Variants in DDHD2 observed in about 807,000 individuals in gnomAD.
The protein encoded by DDHD2 is DDHD domain containing 2.
Under a neutral mutation model 91.2 loss-of-function variants are expected in DDHD2, and 62 were observed. The ratio of observed to expected loss-of-function variants is 0.68; its 90% CI spans 0.55 to 0.84. DDHD2 has a LOEUF of 0.84. DDHD2 is among the 40% of genes least tolerant of loss of function. The pLI is 0.00. For synonymous variants in DDHD2, 271 were observed against 293.9 expected, an observed-to-expected ratio of 0.92 and a Z score of 0.80; for missense variants, 740 against 846.9, an observed-to-expected ratio of 0.87 and a Z score of 1.57.
chr8:38,232,965 G>A, intron 1 of DDHD2, 22 bp from the exon 2 acceptor site: 1 of 1,596,304 alleles, frequency 6.3e-7, no homozygotes, highest in Non-Finnish European at 8.6e-7. Flanking sequence ...TCGTTTTCCT[G>A]ATAGTTTTCT....
At chr8:38,241,607 T>C (rs970310963) in intron 6 of DDHD2, among the ~76,000 whole-genome samples, 1 of 151,296 alleles carries the variant, frequency 6.6e-6, no homozygotes, top group African/African-American at 2.4e-5. Context: ...TTTTAGTAGA[T>C]GGGGTTTCGC....
At position 38,231,688 on chromosome 8, in the gene DDHD2, C is replaced by G. The variant is rs1804260634; in HGVS notation, c.-180C>G. ...TTTCGCCTGGCATCCGGGCCCGCTA[C>G]TCGCCCACTGGGAGCGCCGTGGCGC... is the stretch of plus-strand genomic sequence containing the variant. On this transcript the variant is annotated 5_prime_UTR_variant, in exon 1 of 18. Transcript: ENST00000397166. The G allele has an allele frequency of 6.6e-6, 1 of 152,272 alleles. No homozygotes were observed. Among genetic ancestry groups the G allele is most frequent in the South Asian group, 2.1e-4 (1 of 4,838 alleles). 9.4% of individuals were successfully genotyped at this position (152,272 alleles called of 1,614,324 possible).
chr8:38,263,629 A>G, downstream of DDHD2: 1 of 985,440 alleles, frequency 1.0e-6, no homozygotes, highest in Non-Finnish European at 1.2e-6. Context: ...AAAGTGATAA[A>G]TTACCCTAGA....
chr8:38,270,423 A>C (rs1000366334), intron 1 of DDHD2: 1 of 152,248 alleles, frequency 6.6e-6, no homozygotes, highest in Non-Finnish European at 1.5e-5. Context: ...AATTCCAAAT[A>C]TACACATACC....
downstream of DDHD2, chr8:38,267,339 C>T (rs1472921771): frequency 6.2e-7 from 1 of 1,613,924 alleles, no homozygotes; most frequent in African/African-American, 1.3e-5. Context: ...CACATCAAGT[C>T]AGAATGGGCT....
Position 38,256,895 on chromosome 8 carries a change from T to G in DDHD2, c.2055-3145T>G, listed in dbSNP as rs147935087. On this transcript the variant is annotated intron_variant, in intron 16 of 17. Coordinates refer to ENST00000397166, the MANE Select transcript of DDHD2 (RefSeq NM_015214.3). ...ATCTCCATCAGCAGTGTTTGAGAGT[T>G]TCAGTTGCTCCACATCAACTTTTTT... Among the ~76,000 whole-genome samples the G allele has an allele frequency of 8.1e-3, 1,227 of 152,310 alleles. 5 individuals are homozygous for G. Among genetic ancestry groups the G allele is most frequent in the Non-Finnish European group, 0.013 (855 of 68,014 alleles).
chr8:38,252,752 A>T lies in DDHD2; in HGVS notation c.1648A>T (p.Met550Leu). 6.2e-7 allele frequency: 1 copy of T among 1,614,022 alleles called. No homozygotes were observed. The highest frequency in any genetic ancestry group is 8.5e-7 in the Non-Finnish European group (1 of 1,179,916). ...FDPVAYRIEPMVVPGVEFEPM... is the reference protein window; with the variant it reads ...FDPVAYRIEPLVVPGVEFEPM... ...TCCTGTGGCCTATAGGATTGAACCAATGGTGGTCCCAGGAGTGGAATTTGA... is the reference window on the plus strand; with the variant it reads ...TCCTGTGGCCTATAGGATTGAACCATTGGTGGTCCCAGGAGTGGAATTTGA... The change falls in exon 14 of 18, where the codon ATG (methionine) becomes TTG (leucine). Residue 550 changes from methionine to leucine, a missense_variant. Met to Leu is a conservative substitution (Grantham distance 15). Transcript: ENST00000397166.
intron 9 of DDHD2, 88 bp from the exon 10 acceptor site, chr8:38,247,625 G>A (rs1190310160): frequency 2.5e-6 from 2 of 799,532 alleles, no homozygotes; most frequent in Non-Finnish European, 3.7e-6. Flanking sequence ...ACATTGCTGT[G>A]GAAATCTATG....
chr8:38,266,368 T>C (rs1367698360), downstream of DDHD2: 4 of 1,469,410 alleles, frequency 2.7e-6, no homozygotes, highest in Admixed American at 7.7e-5. Flanking sequence ...ACCTCATTCA[T>C]CCCCACATAG....
At chr8:38,251,771 A>G in intron 11 of DDHD2, 141 bp from the exon 12 acceptor site, 1 of 599,186 alleles carries the variant, frequency 1.7e-6, no homozygotes, top group South Asian at 2.1e-5. Flanking sequence ...TTAAATAGAG[A>G]CTATGTTGCC....
At chr8:38,263,637 A>T (rs905776267), downstream of DDHD2, 10 of 985,332 alleles carry the variant, frequency 1.0e-5, no homozygotes, top group African/African-American at 1.7e-4. Context: ...AAATTACCCT[A>T]GATTCGACAT....
intron 7 of DDHD2, among the ~76,000 whole-genome samples, chr8:38,244,715 TCAC>T (rs1805491555): frequency 6.6e-6 from 1 of 151,802 alleles, no homozygotes; most frequent in Admixed American, 6.6e-5. Flanking sequence ...AAGGTGCACA[TCAC>T]CACACCCGGC....
intron 10 of DDHD2, among the ~76,000 whole-genome samples, chr8:38,248,779 T>C (rs1321890035): frequency 6.6e-6 from 1 of 151,576 alleles, no homozygotes; most frequent in Non-Finnish European, 1.5e-5. Context: ...ACCCTGTCTG[T>C]ACTAAAAATA....
Position 38,262,627 on chromosome 8 carries a change from G to T in DDHD2, c.*2054G>T, listed in dbSNP as rs1807117973. On this transcript the variant is annotated 3_prime_UTR_variant, in exon 18 of 18. Coordinates refer to ENST00000397166, the MANE Select transcript of DDHD2 (RefSeq NM_015214.3). ...GTACATATTCCCAGCTGCAGAACTA[G>T]TATCACTTATCTCAGCAAAAGAGAT... 1 of 152,150 alleles carries T rather than the reference G, an allele frequency of 6.6e-6. No homozygotes were observed. Among genetic ancestry groups the T allele is most frequent in the Admixed American group, 6.5e-5 (1 of 15,270 alleles). The allele number at this position is 152,150 out of a possible 1,614,324, so 9.4% of individuals were successfully genotyped here.
chr8:38,266,700 A>T (rs183449206), downstream of DDHD2, among the ~76,000 whole-genome samples: 1 of 152,162 alleles, frequency 6.6e-6, no homozygotes, highest in Non-Finnish European at 1.5e-5. Context: ...ACACCCGGCC[A>T]TGAGGGTGTT....
chr8:38,233,066 T>C lies in DDHD2; in HGVS notation c.72T>C (p.Ser24=), dbSNP rs762638689. 6.8e-6 allele frequency: 11 copies of C among 1,614,204 alleles called. No homozygotes were observed. In the East Asian group the frequency reaches 2.5e-4, roughly 36 times the overall value. Residue 24 remains serine (S), a synonymous_variant, in exon 2 of 18, where the codon AGT becomes AGC. Transcript: ENST00000397166. ...SDPSPSPNSC[S]SFELIDMDAG... ...CATCTCCGTCACCAAACTCATGTAG[T>C]TCCTTTGAGCTAATAGACATGGATG...
intron 16 of DDHD2, 44 bp downstream of exon 16, chr8:38,253,762 T>C: frequency 4.4e-6 from 7 of 1,581,060 alleles, no homozygotes; most frequent in Non-Finnish European, 6.1e-6. Flanking sequence ...TTTACCTGTT[T>C]CATAGATATT....
Position 38,242,357 on chromosome 8 carries a change from A to C in DDHD2, c.820A>C (p.Ser274Arg). The stretch of plus-strand genomic sequence containing the variant: ...AGAATTTCTTCCAGTCAACTGGCAC[A>C]GTCCTTTGCATTCTACTGGTGTGGA... ...RVEFLPVNWH[S>R]PLHSTGVDVD... The change falls in exon 7 of 18, where the codon AGT becomes CGT. Residue 274 changes from serine to arginine, a missense_variant. By Grantham distance (110) the Ser-to-Arg change is moderately radical. This residue lies in a region of DDHD2 where 693 missense variants were observed against 764.2 expected (regional missense o/e 0.91). Transcript: ENST00000397166. 1 of 1,610,932 alleles carries C rather than the reference A, an allele frequency of 6.2e-7. No individual in the cohort carries two copies.
intron 1 of DDHD2, chr8:38,268,566 A>G: frequency 6.7e-7 from 1 of 1,497,794 alleles, no homozygotes; most frequent in Non-Finnish European, 8.9e-7. Context: ...GAGCTAACAT[A>G]AGGTCTCTGA....
Sources: allele counts gnomAD v4.1 joint callset (sites outside exome capture counted in the v4.1 genomes callset), GRCh38; gene constraint gnomAD v4.1.1; regional missense constraint gnomAD v4.1.1; transcripts MANE v1.5; gene names NCBI Gene and HGNC (gene_info 2026-07-23, HGNC 2026-07-21).